The following SORCS2 variants were observed in gnomAD, a reference collection of about 807,000 sequenced individuals.
SORCS2 encodes sortilin related VPS10 domain containing receptor 2.
Under a neutral mutation model 141.6 loss-of-function variants are expected in SORCS2, and 100 were observed. That is an observed-to-expected ratio of 0.71 (90% CI 0.60 to 0.83). The LOEUF (loss-of-function observed/expected upper bound fraction) is 0.83, where lower values mean the gene tolerates loss of function less well. SORCS2 is among the 40% of genes least tolerant of loss of function. SORCS2 has a pLI of 0.00. For missense variants in SORCS2, 1,646 were observed against 1,560.2 expected, an observed-to-expected ratio of 1.05 and a Z score of -0.93; for synonymous variants, 789 against 676.9, an observed-to-expected ratio of 1.17 and a Z score of -2.57.
chr4:7,204,033 A>C (rs1727611231), intron 1 of SORCS2, among the ~76,000 whole-genome samples: 1 of 152,046 alleles, frequency 6.6e-6, no homozygotes, highest in African/African-American at 2.4e-5. Flanking sequence ...CACTGTATGG[A>C]CACCACACAT....
intron 1 of SORCS2, among the ~76,000 whole-genome samples, chr4:7,380,290 A>G (rs1722905491): frequency 6.6e-6 from 1 of 151,814 alleles, no homozygotes; most frequent in Non-Finnish European, 1.5e-5. Flanking sequence ...TAAACAAGTA[A>G]CATTCACAGG....
At chr4:7,385,257 G>A (rs962660891) in intron 1 of SORCS2, among the ~76,000 whole-genome samples, 1 of 152,206 alleles carries the variant, frequency 6.6e-6, no homozygotes, top group African/African-American at 2.4e-5. Flanking sequence ...GGGGTCTTTA[G>A]TAGAAAGAAA....
In SORCS2 at chr4:7,718,151, G is replaced by T; in HGVS notation, c.2392G>T (p.Glu798Ter). The change falls in exon 18 of 27, where the codon GAG becomes TAG. Residue 798 changes from glutamate (E) to a stop codon, truncating the protein, a stop_gained. Coordinates refer to ENST00000507866, the MANE Select transcript of SORCS2 (RefSeq NM_020777.3). LOFTEE classifies it high-confidence loss of function. ...QGEAVAVRPG[E>*]DVLFVVRQEQ... ...CGAGGCGGTGGCCGTGCGGCCTGGAGAGGACGTCCTGTTTGTGGTGCGGCA... is the reference window on the plus strand; with the variant it reads ...CGAGGCGGTGGCCGTGCGGCCTGGATAGGACGTCCTGTTTGTGGTGCGGCA... 1.9e-6 allele frequency: 3 copies of T among 1,611,776 alleles called. No individual in the cohort carries two copies. The highest frequency in any genetic ancestry group is 2.5e-6 in the Non-Finnish European group (3 of 1,179,374).
At chr4:7,728,016 G>C (rs1161991330) in intron 21 of SORCS2, among the ~76,000 whole-genome samples, 1 of 152,186 alleles carries the variant, frequency 6.6e-6, no homozygotes, top group Non-Finnish European at 1.5e-5. Context: ...GAGCAGGCTT[G>C]GTGCACACTA....
intron 1 of SORCS2, among the ~76,000 whole-genome samples, chr4:7,236,812 C>T (rs1712312608): frequency 1.3e-5 from 2 of 152,230 alleles, no homozygotes; most frequent in African/African-American, 4.8e-5. Flanking sequence ...AACTCCTCAC[C>T]TCAGGTGATC....
chr4:7,609,517 C>G (rs1224975780), intron 3 of SORCS2, among the ~76,000 whole-genome samples: 1 of 152,228 alleles, frequency 6.6e-6, no homozygotes, highest in Non-Finnish European at 1.5e-5. Context: ...CCTGTGGTTT[C>G]TCCTTGGTCA....
chr4:7,334,082 C>G (rs1054538699), intron 1 of SORCS2, among the ~76,000 whole-genome samples: 1 of 152,188 alleles, frequency 6.6e-6, no homozygotes, highest in East Asian at 1.9e-4. Flanking sequence ...AAGCTCCTCC[C>G]CACCTTAGTC....
At chr4:7,298,260 G>A (rs573228230) in intron 1 of SORCS2, among the ~76,000 whole-genome samples, 1 of 152,206 alleles carries the variant, frequency 6.6e-6, no homozygotes, top group Non-Finnish European at 1.5e-5. Context: ...GTACTCTCCA[G>A]GGCTCTGCAC....
intron 3 of SORCS2, among the ~76,000 whole-genome samples, chr4:7,618,765 T>C (rs897155610): frequency 6.6e-6 from 1 of 152,212 alleles, no homozygotes; most frequent in Non-Finnish European, 1.5e-5. Context: ...CCTTGCTTTA[T>C]ATTTGCCGTG....
At chr4:7,320,721 G>T (rs1301811709) in intron 1 of SORCS2, among the ~76,000 whole-genome samples, 4 of 152,156 alleles carry the variant, frequency 2.6e-5, no homozygotes. Context: ...ACTCTCAGTT[G>T]TCCATGGAAG....
chr4:7,546,218 G>A (rs947287457), intron 3 of SORCS2, among the ~76,000 whole-genome samples: 11 of 152,168 alleles, frequency 7.2e-5, no homozygotes, highest in Non-Finnish European at 1.2e-4. Flanking sequence ...GGGAGGTCAC[G>A]TTCCAGCAAC....
In SORCS2 at chr4:7,543,953, C is replaced by CATCCATCT. The variant is rs1353172791; in HGVS notation, c.648+12331_648+12332insTATCCATC. Among the ~76,000 whole-genome samples the CATCCATCT allele has an allele frequency of 2.0e-4, 30 of 147,712 alleles. 1 individual carries two copies. In the East Asian group the frequency reaches 4.9e-3, roughly 24 times the overall value. On this transcript the variant is annotated intron_variant, in intron 3 of 26. Coordinates refer to ENST00000507866, the MANE Select transcript of SORCS2 (RefSeq NM_020777.3). ...CCACCCATCCACCCATCCATCCATC[C>CATCCATCT]ATCCATCCATCCATCCATCCACCCA...
intron 2 of SORCS2, among the ~76,000 whole-genome samples, chr4:7,426,129 C>G (rs1217754890): frequency 6.6e-6 from 1 of 152,224 alleles, no homozygotes; most frequent in Non-Finnish European, 1.5e-5. Context: ...GATGCACTCA[C>G]AAGGCCGCCC....
intron 9 of SORCS2, among the ~76,000 whole-genome samples, chr4:7,679,584 C>T (rs889005116): frequency 2.6e-5 from 4 of 152,164 alleles, no homozygotes; most frequent in Non-Finnish European, 5.9e-5. Context: ...AGGCAGAGAC[C>T]GCGGCCGCAC....
At chr4:7,514,404 C>G (rs149775873) in intron 2 of SORCS2, among the ~76,000 whole-genome samples, 1 of 152,108 alleles carries the variant, frequency 6.6e-6, no homozygotes, top group Non-Finnish European at 1.5e-5. Flanking sequence ...AGCACTCCTG[C>G]CCCTGGGAAC....
At chr4:7,218,221 T>C (rs1172562572) in intron 1 of SORCS2, among the ~76,000 whole-genome samples, 1 of 152,228 alleles carries the variant, frequency 6.6e-6, no homozygotes, top group African/African-American at 2.4e-5. Context: ...CCTGCATTCC[T>C]CACTGCACTT....
rs2108924420 is a variant in SORCS2, at chr4:7,664,370, T to C, written c.970T>C (p.Cys324Arg). ...DLGGDFRYVT[C>R]AIHNCSEKML... ...TCCTGTAGATTTTCGGTACGTCACC[T>C]GCGCAATCCACAATTGCTCCGAGAA... Residue 324 changes from cysteine (C) to arginine (R), a missense_variant, in exon 7 of 27, where the codon TGC (cysteine) becomes CGC (arginine). Coordinates refer to ENST00000507866, the MANE Select transcript of SORCS2 (RefSeq NM_020777.3). The surrounding 1 kb of genome is among the most constrained non-coding windows in gnomAD (Gnocchi z 4.7). 1 of 1,613,778 alleles carries C rather than the reference T, an allele frequency of 6.2e-7. No individual in the cohort carries two copies. Among genetic ancestry groups the C allele is most frequent in the African/African-American group, 1.3e-5 (1 of 75,016 alleles).
intron 2 of SORCS2, among the ~76,000 whole-genome samples, chr4:7,427,630 A>C (rs1306811674): frequency 6.6e-6 from 1 of 152,126 alleles, no homozygotes; most frequent in Non-Finnish European, 1.5e-5. Flanking sequence ...AGGACACCCC[A>C]GGAGGTGGGG....
chr4:7,265,336 C>T (rs1366654557), intron 1 of SORCS2, among the ~76,000 whole-genome samples: 2 of 152,106 alleles, frequency 1.3e-5, no homozygotes, highest in Admixed American at 1.3e-4. Context: ...ACTAAAAATA[C>T]AAAAATTAGC....
Sources: gnomAD v4.1 joint callset for allele counts (sites outside exome capture counted in the v4.1 genomes callset) on GRCh38, gnomAD v4.1.1 for gene constraint, Gnocchi (gnomAD v3.1) non-coding constraint, MANE v1.5 for transcripts, NCBI Gene and HGNC (gene_info 2026-07-23, HGNC 2026-07-21) for gene names.